PCGF6: variants seen among roughly 807,000 people sequenced by gnomAD.
PCGF6 encodes the protein polycomb group RING finger protein 6.
In PCGF6, 24 loss-of-function variants were observed where a neutral mutation model predicts 45.5. The observed-to-expected ratio is 0.53, with a 90% CI of 0.38 to 0.74. PCGF6 has a LOEUF of 0.74. Ranked by LOEUF, PCGF6 falls within the 30% of genes least tolerant of loss-of-function variation. The pLI, the probability that PCGF6 is intolerant of heterozygous loss-of-function variation, is 0.00. For synonymous variants in PCGF6, 152 were observed against 162.1 expected, an observed-to-expected ratio of 0.94 and a Z score of 0.47; for missense variants, 356 against 443.2, an observed-to-expected ratio of 0.80 and a Z score of 1.77.
At chr10:103,339,811 ACAC>A (rs1170325756) in intron 6 of PCGF6, among the ~76,000 whole-genome samples, 3,269 of 44,992 alleles carry the variant, frequency 0.073, 264 homozygotes, top group Middle Eastern at 0.12. Flanking sequence ...CAAAAAAAAA[ACAC>A]ACACACACAC....
chr10:103,350,223 G>A (rs533371555), intron 1 of PCGF6, among the ~76,000 whole-genome samples: 3 of 151,588 alleles, frequency 2.0e-5, no homozygotes, highest in East Asian at 2.0e-4. Flanking sequence ...CTTGAACCCA[G>A]GAGTTCGAGA....
chr10:103,350,258 T>TA (rs2093316192), intron 1 of PCGF6, among the ~76,000 whole-genome samples: 1 of 140,274 alleles, frequency 7.1e-6, no homozygotes, highest in Non-Finnish European at 1.5e-5. Context: ...TAGGGAGCCC[T>TA]CCTCGCTACA....
chr10:103,348,961 C>T lies in PCGF6; in HGVS notation c.399G>A (p.Leu133=), dbSNP rs921060867. 1.2e-6 allele frequency: 2 copies of T among 1,613,748 alleles called. No homozygotes were observed. Among genetic ancestry groups the T allele is most frequent in the East Asian group, 2.2e-5 (1 of 44,888 alleles). The change falls in exon 2 of 10, where the codon TTG becomes TTA. Residue 133 remains leucine, a synonymous_variant. Transcript: ENST00000369847. The part of the protein sequence containing the change: ...INLSELTPYI[L]CSICKGYLID... Reference sequence around the variant, plus strand: ...TTAAGTAACCTTTGCAAATGGAACACAAGATGTATGGGGTCAGCTCAGAGA... The same window carrying T: ...TTAAGTAACCTTTGCAAATGGAACATAAGATGTATGGGGTCAGCTCAGAGA...
At chr10:103,335,823 TG>T (rs2093254839) in intron 6 of PCGF6, among the ~76,000 whole-genome samples, 1 of 151,866 alleles carries the variant, frequency 6.6e-6, no homozygotes, top group Non-Finnish European at 1.5e-5. Context: ...AAAAATTAGC[TG>T]GGTGTGGTGG....
chr10:103,319,535 A>G (rs1335601025), intron 8 of PCGF6, among the ~76,000 whole-genome samples: 1 of 152,072 alleles, frequency 6.6e-6, no homozygotes, highest in Non-Finnish European at 1.5e-5. Flanking sequence ...CCTGAGTTAA[A>G]TCATTCACTT....
intron 6 of PCGF6, among the ~76,000 whole-genome samples, chr10:103,337,659 G>A (rs111954061): frequency 1.4e-3 from 207 of 152,254 alleles, no homozygotes; most frequent in African/African-American, 3.8e-3. Flanking sequence ...TGGGCACGGT[G>A]GCTCACGCCT....
chr10:103,329,160 C>T (rs2093230608), intron 7 of PCGF6, among the ~76,000 whole-genome samples: 1 of 152,136 alleles, frequency 6.6e-6, no homozygotes, highest in African/African-American at 2.4e-5. Context: ...CTATCTCAGC[C>T]TCCCAAGTAG....
At chr10:103,330,167 C>T (rs984407286) in intron 7 of PCGF6, among the ~76,000 whole-genome samples, 2 of 151,896 alleles carry the variant, frequency 1.3e-5, no homozygotes, top group South Asian at 2.1e-4. Flanking sequence ...CTCTGCCTCC[C>T]GGGTTCAAGC....
intron 5 of PCGF6, among the ~76,000 whole-genome samples, chr10:103,346,205 A>C (rs1312429563): frequency 1.3e-5 from 2 of 150,568 alleles, no homozygotes; most frequent in Non-Finnish European, 3.0e-5. Flanking sequence ...TTAAAAAAAA[A>C]AAAAAGCCAG....
intron 3 of PCGF6, 121 bp downstream of exon 3, chr10:103,348,595 G>A (rs1409831214): frequency 2.6e-6 from 2 of 758,992 alleles, no homozygotes; most frequent in Non-Finnish European, 4.1e-6. Flanking sequence ...AAAGTGCTGG[G>A]ATTATGGCAT....
intron 8 of PCGF6, among the ~76,000 whole-genome samples, chr10:103,322,148 G>A (rs546939403): frequency 4.6e-5 from 7 of 152,008 alleles, no homozygotes; most frequent in Admixed American, 1.3e-4. Flanking sequence ...CACCCACCTC[G>A]GCCTCTGAAA....
At chr10:103,341,169 C>T (rs1002353305) in intron 6 of PCGF6, among the ~76,000 whole-genome samples, 2 of 151,176 alleles carry the variant, frequency 1.3e-5, no homozygotes, top group Non-Finnish European at 2.9e-5. Flanking sequence ...GTGGAGGTTG[C>T]GGTGAGCCGA....
At position 103,303,416 on chromosome 10, in the gene PCGF6, C is replaced by T. The variant is rs1437888549; in HGVS notation, c.*489G>A. On this transcript the variant is annotated 3_prime_UTR_variant, in exon 10 of 10. Transcript: ENST00000369847. ...GTACAAGTTCAAAATATGCTGGCAACATACAAAAGTGGCCAATAGTTTTGG... is the reference window on the plus strand; with the variant it reads ...GTACAAGTTCAAAATATGCTGGCAATATACAAAAGTGGCCAATAGTTTTGG... 2 of 152,686 alleles carry T rather than the reference C, an allele frequency of 1.3e-5. No individual in the cohort carries two copies. Among genetic ancestry groups the T allele is most frequent in the African/African-American group, 4.8e-5 (2 of 41,440 alleles). 9.5% of individuals were successfully genotyped at this position (152,686 alleles called of 1,614,324 possible).
chr10:103,307,287 TA>T (rs1209866744), intron 9 of PCGF6, among the ~76,000 whole-genome samples: 32 of 150,336 alleles, frequency 2.1e-4, no homozygotes, highest in Admixed American at 6.6e-5. Context: ...CTATGAAAAA[TA>T]AAAAAATTAG....
chr10:103,350,923 C>A lies in PCGF6; in HGVS notation c.144G>T (p.Leu48=), dbSNP rs756721881. ...AGCAGCCGGGAGCCCCCGTCTCAGA[C>A]AGAGGCGCCGGTCCCTCCTCACCCG... ...PAAGEEGPAP[L]SETGAPGCSG... is the part of the protein sequence containing the mutation. The change falls in exon 1 of 10, where the codon CTG becomes CTT. Residue 48 remains leucine (L), a synonymous_variant. Coordinates refer to ENST00000369847, the MANE Select transcript of PCGF6 (RefSeq NM_001011663.2). The A allele has an allele frequency of 2.0e-6, 3 of 1,513,020 alleles. No homozygotes were observed. The highest frequency in any genetic ancestry group is 2.6e-6 in the Non-Finnish European group (3 of 1,136,078). The allele number at this position is 1,513,020 out of a possible 1,614,324, so 93.7% of individuals were successfully genotyped here.
chr10:103,305,994 T>G lies in PCGF6; in HGVS notation c.997-2033A>C, dbSNP rs187653375. Among the ~76,000 whole-genome samples, 6 of 152,266 alleles carry G rather than the reference T, an allele frequency of 3.9e-5. No homozygotes were observed. In the East Asian group the frequency reaches 1.2e-3, roughly 29 times the overall value. ...CCCCATACTATATGATTCCAGATGC[T>G]ATGTGTCCAAGTCTTTTTATCTACT... On this transcript the variant is annotated intron_variant, in intron 9 of 9. Transcript: ENST00000369847.
chr10:103,347,350 G>A (rs752753299), intron 4 of PCGF6, 45 bp downstream of exon 4: 1 of 1,587,552 alleles, frequency 6.3e-7, no homozygotes, highest in African/African-American at 1.3e-5. Context: ...AACTACTAGA[G>A]TCAGAGATTC....
chr10:103,329,645 G>A (rs931703686), intron 7 of PCGF6, among the ~76,000 whole-genome samples: 1 of 150,550 alleles, frequency 6.6e-6, no homozygotes, highest in Admixed American at 6.6e-5. Flanking sequence ...ACTAATTTTT[G>A]TTTTTTTAGT....
chr10:103,325,319 T>C (rs2093214055), intron 8 of PCGF6, among the ~76,000 whole-genome samples: 1 of 152,138 alleles, frequency 6.6e-6, no homozygotes, highest in Non-Finnish European at 1.5e-5. Context: ...AGTAGCGCAA[T>C]CTTGGCTCAC....
Sources: gnomAD v4.1 joint callset for allele counts (sites outside exome capture counted in the v4.1 genomes callset) on GRCh38, gnomAD v4.1.1 for gene constraint, MANE v1.5 for transcripts, NCBI Gene and HGNC (gene_info 2026-07-23, HGNC 2026-07-21) for gene names.